The following HACL1 variants were observed in gnomAD, a reference collection of about 807,000 sequenced individuals.
The protein encoded by HACL1 is 2-hydroxyacyl-CoA lyase 1.
A neutral mutation model predicts 74.2 loss-of-function variants in HACL1; 64 were observed. The observed-to-expected ratio is 0.86, with a 90% CI of 0.70 to 1.06. HACL1 has a LOEUF of 1.06. Ranked by LOEUF, HACL1 falls within the 50% of genes least tolerant of loss-of-function variation. The pLI is 0.00. For synonymous variants in HACL1, 230 were observed against 238.8 expected (o/e 0.96, Z 0.34); for missense variants, 728 against 719.7 (o/e 1.01, Z -0.13).
intron 10 of HACL1, among the ~76,000 whole-genome samples, chr3:15,574,597 GTT>G (rs1371741290): frequency 6.6e-6 from 1 of 152,202 alleles, no homozygotes; most frequent in African/African-American, 2.4e-5. Context: ...AAGGGTGAAA[GTT>G]TTGGCATCTG....
In HACL1 at chr3:15,586,590, T is replaced by G. The variant is rs2063799285; in HGVS notation, c.394A>C (p.Arg132=). Reference sequence around the variant, plus strand: ...CGGGCAGAGAACTTGGTATATAATCTACAAGCTTCAACCTACATGGAAAAT... The same window carrying G: ...CGGGCAGAGAACTTGGTATATAATCGACAAGCTTCAACCTACATGGAAAAT... ...FQEFPQVEAC[R]LYTKFSARPS... The change falls in exon 6 of 17, where the codon AGA becomes CGA. Residue 132 remains arginine, a synonymous_variant. Transcript: ENST00000321169. 1.3e-6 allele frequency: 2 copies of G among 1,588,008 alleles called. No individual in the cohort carries two copies. Among genetic ancestry groups the G allele is most frequent in the Non-Finnish European group, 1.7e-6 (2 of 1,157,150 alleles).
intron 9 of HACL1, among the ~76,000 whole-genome samples, chr3:15,575,674 T>G (rs964845150): frequency 2.0e-5 from 3 of 152,152 alleles, no homozygotes; most frequent in African/African-American, 4.8e-5. Flanking sequence ...CCTGAGCAGT[T>G]GGGACTACAG....
At chr3:15,574,904 G>T in intron 10 of HACL1, 73 bp downstream of exon 10, 1 of 675,620 alleles carries the variant, frequency 1.5e-6, no homozygotes, top group Non-Finnish European at 2.7e-6. Flanking sequence ...GAAGATAACA[G>T]AGCTGATTAC....
At chr3:15,599,764 G>T (rs987072876) in intron 2 of HACL1, among the ~76,000 whole-genome samples, 1 of 152,182 alleles carries the variant, frequency 6.6e-6, no homozygotes, top group African/African-American at 2.4e-5. Flanking sequence ...ACTGATCAAC[G>T]TGAAGATCAA....
chr3:15,583,829 T>C (rs1192622089), intron 7 of HACL1, among the ~76,000 whole-genome samples: 3 of 151,882 alleles, frequency 2.0e-5, no homozygotes, highest in African/African-American at 4.8e-5. Flanking sequence ...GGCTAATTTT[T>C]GTATTTTTCG....
chr3:15,561,629 T>C (rs902049556), intron 16 of HACL1, among the ~76,000 whole-genome samples: 2 of 152,202 alleles, frequency 1.3e-5, no homozygotes, highest in African/African-American at 4.8e-5. Flanking sequence ...CTAGCAGAGA[T>C]GACAGAATTT....
chr3:15,589,734 C>T (rs550156849), intron 4 of HACL1, 122 bp from the exon 5 acceptor site: 18 of 719,112 alleles, frequency 2.5e-5, no homozygotes, highest in Middle Eastern at 4.3e-4. Context: ...ATATTTTTTT[C>T]TTAGAAACTG....
chr3:15,570,366 AAGAC>A (rs1015590954), intron 12 of HACL1, among the ~76,000 whole-genome samples: 11 of 151,944 alleles, frequency 7.2e-5, no homozygotes, highest in Non-Finnish European at 1.2e-4. Context: ...ATTCCAATGT[AAGAC>A]AGATTCATGT....
chr3:15,560,790 G>C lies in HACL1; in HGVS notation c.*75C>G, dbSNP rs1420889587. The C allele has an allele frequency of 1.0e-6, 1 of 957,530 alleles. No homozygotes were observed. The highest frequency in any genetic ancestry group is 1.6e-5 in the African/African-American group (1 of 61,272). 59.3% of individuals were successfully genotyped at this position (957,530 alleles called of 1,614,324 possible). A position where few individuals can be genotyped will look rare whatever the true frequency, so the allele number is the denominator to read the frequency against. ...TATTTTGCACAATTTTAACAGTAGAGTAATTTTGCTGTGGAAAATAAAATT... is the reference window on the plus strand; with the variant it reads ...TATTTTGCACAATTTTAACAGTAGACTAATTTTGCTGTGGAAAATAAAATT... On this transcript the variant is annotated 3_prime_UTR_variant, in exon 17 of 17. Coordinates refer to ENST00000321169, the MANE Select transcript of HACL1 (RefSeq NM_012260.4).
At chr3:15,594,736 A>G (rs1574947422) in intron 3 of HACL1, among the ~76,000 whole-genome samples, 1 of 152,370 alleles carries the variant, frequency 6.6e-6, no homozygotes, top group East Asian at 1.9e-4. Flanking sequence ...ATGTTATTTA[A>G]TTTTAATTAA....
At chr3:15,583,996 T>C (rs1318884754) in intron 7 of HACL1, among the ~76,000 whole-genome samples, 1 of 152,130 alleles carries the variant, frequency 6.6e-6, no homozygotes, top group East Asian at 1.9e-4. Flanking sequence ...TATTTTAGTA[T>C]CATAATATGC....
Position 15,584,066 on chromosome 3 carries a change from G to C in HACL1, c.555-1077C>G, listed in dbSNP as rs1249372463. ...AGTATTTCTGGACACCAAGTCCTGTGCTATTTCATTTATTCTAATTAATAT... is the reference window on the plus strand; with the variant it reads ...AGTATTTCTGGACACCAAGTCCTGTCCTATTTCATTTATTCTAATTAATAT... On this transcript the variant is annotated intron_variant, in intron 7 of 16. Transcript: ENST00000321169. Among the ~76,000 whole-genome samples the C allele has an allele frequency of 4.6e-5, 7 of 152,034 alleles. No homozygotes were observed. The East Asian group carries it at 1.2e-3, about 25-fold the overall frequency.
chr3:15,563,271 G>A (rs1574903478), intron 16 of HACL1, 87 bp downstream of exon 16: 11 of 836,100 alleles, frequency 1.3e-5, no homozygotes, highest in South Asian at 1.3e-4. Context: ...GTGGATGATA[G>A]AGGGTGTTCT....
At chr3:15,592,116 C>CA (rs1420153094) in intron 3 of HACL1, among the ~76,000 whole-genome samples, 6 of 134,142 alleles carry the variant, frequency 4.5e-5, no homozygotes, top group African/African-American at 1.9e-4. Flanking sequence ...TATATACACA[C>CA]TATATACGTA....
intron 5 of HACL1, among the ~76,000 whole-genome samples, chr3:15,587,228 G>C (rs150637431): frequency 0.021 from 2,892 of 140,500 alleles, 28 homozygotes; most frequent in Non-Finnish European, 0.032. Flanking sequence ...CCGATTTTCA[G>C]TCTATGTTCA....
At chr3:15,593,761 G>T (rs1559563129) in intron 3 of HACL1, among the ~76,000 whole-genome samples, 1 of 148,402 alleles carries the variant, frequency 6.7e-6, no homozygotes, top group South Asian at 2.1e-4. Flanking sequence ...TGAATGCAGT[G>T]CTCTGCCCAA....
intron 13 of HACL1, 88 bp from the exon 14 acceptor site, chr3:15,568,090 G>A: frequency 9.4e-7 from 1 of 1,063,132 alleles, no homozygotes. Flanking sequence ...TATTTACATG[G>A]TTGATGGAAA....
chr3:15,587,013 A>G (rs2063807461), intron 5 of HACL1, among the ~76,000 whole-genome samples: 1 of 152,216 alleles, frequency 6.6e-6, no homozygotes, highest in Non-Finnish European at 1.5e-5. Context: ...TTGTTATAAT[A>G]ATAATCTATT....
rs1392300587 is a variant in HACL1 at position 15,578,822 on chromosome 3, G to A, written c.803+1088C>T. On this transcript the variant is annotated intron_variant, in intron 9 of 16. Coordinates refer to ENST00000321169, the MANE Select transcript of HACL1 (RefSeq NM_012260.4). ...CCATTATTTTTTTCTTCTGCAGCTT[G>A]TTCAGAGGGCAGCTTTAGTTATGTG... Among the ~76,000 whole-genome samples, 3 of 152,144 alleles carry A rather than the reference G, an allele frequency of 2.0e-5. No homozygotes were observed. In the East Asian group the frequency reaches 5.8e-4, roughly 29 times the overall value.
Sources: allele counts gnomAD v4.1 joint callset (sites outside exome capture counted in the v4.1 genomes callset), GRCh38; gene constraint gnomAD v4.1.1; transcripts MANE v1.5; gene names NCBI Gene and HGNC (gene_info 2026-07-23, HGNC 2026-07-21).